The following DUSP22 variants were observed in gnomAD, a reference collection of about 807,000 sequenced individuals.
DUSP22 encodes dual specificity phosphatase 22, also known as dual specificity protein phosphatase 22.
In DUSP22, 24 loss-of-function variants were observed where a neutral mutation model predicts 24.5. The observed-to-expected ratio is 0.98, with a 90% CI of 0.71 to 1.38. The LOEUF (loss-of-function observed/expected upper bound fraction) is 1.38. Among genes scored for constraint, DUSP22 ranks in the 40% most tolerant of loss-of-function variants. The probability of loss-of-function intolerance (pLI) is 0.00; values close to 1 mark genes in which losing one functional copy is unlikely to be tolerated. For synonymous variants in DUSP22, 160 were observed against 106.4 expected (o/e 1.50, Z -3.10); for missense variants, 330 against 269.2 (o/e 1.23, Z -1.58).
At position 350,873 on chromosome 6, in the gene DUSP22, C is replaced by T; in HGVS notation, c.*1922C>T. On this transcript the variant is annotated 3_prime_UTR_variant, in exon 7 of 7. Coordinates refer to ENST00000419235, the MANE Select transcript of DUSP22 (RefSeq NM_001286555.3). ...GCCTTTCTCAGAAGACTGTAATGTA[C>T]CTGAAGTTTCTGAAATATTGCAAAC... 6.2e-7 allele frequency: 1 copy of T among 1,614,206 alleles called. No individual in the cohort carries two copies. The highest frequency in any genetic ancestry group is 8.5e-7 in the Non-Finnish European group (1 of 1,179,992).
At chr6:312,658 A>G (rs1233724217) in intron 3 of DUSP22, among the ~76,000 whole-genome samples, 10 of 152,288 alleles carry the variant, frequency 6.6e-5, no homozygotes, top group African/African-American at 2.2e-4. Context: ...TTTCTATTTT[A>G]GGGTGGGGTG....
chr6:315,708 C>T (rs967482893), intron 3 of DUSP22, among the ~76,000 whole-genome samples: 11 of 152,300 alleles, frequency 7.2e-5, no homozygotes, highest in African/African-American at 2.4e-4. Context: ...ATACCCTCTT[C>T]ACACATCCCG....
rs1397002751 is a variant in DUSP22, at chr6:350,990, C to T, written c.*2039C>T. ...TTGTAAACTTGTTTTTCATTTGAAG[C>T]TGAATATATACGTAGTCATGTTTAT... On this transcript the variant is annotated 3_prime_UTR_variant, in exon 7 of 7. Coordinates refer to ENST00000419235, the MANE Select transcript of DUSP22 (RefSeq NM_001286555.3). The T allele has an allele frequency of 3.7e-6, 5 of 1,359,618 alleles. No individual in the cohort carries two copies. The East Asian group carries it at 6.9e-5, about 19-fold the overall frequency. The allele number at this position is 1,359,618 out of a possible 1,614,324, so 84.2% of individuals were successfully genotyped here. A position where few individuals can be genotyped will look rare whatever the true frequency, so the allele number is the denominator to read the frequency against.
Position 318,844 on chromosome 6 carries a change from A to G in DUSP22, c.138+6882A>G, listed in dbSNP as rs372874665. On this transcript the variant is annotated intron_variant, in intron 3 of 6. Coordinates refer to ENST00000419235, the MANE Select transcript of DUSP22 (RefSeq NM_001286555.3). ...GGGAGTGGTCAGTGCTGGTTCATCC[A>G]TATTAAGGAATACTCGGCAGCAATT... 1.8e-4 allele frequency among the ~76,000 whole-genome samples: 28 copies of G among 152,414 alleles called. No homozygotes were observed. In the South Asian group the frequency reaches 5.0e-3, roughly 27 times the overall value.
rs564664182 is a variant in DUSP22 at position 306,143 on chromosome 6, A to G, written c.55+1482A>G. On this transcript the variant is annotated intron_variant, in intron 2 of 6. Transcript: ENST00000419235. ...GTGGTGAGTAGGCCAGGATACATTAATGTAGCAAACGTCAGAGTTATTTAG... is the reference window on the plus strand; with the variant it reads ...GTGGTGAGTAGGCCAGGATACATTAGTGTAGCAAACGTCAGAGTTATTTAG... Among the ~76,000 whole-genome samples the G allele has an allele frequency of 3.4e-4, 52 of 152,412 alleles. No individual in the cohort carries two copies. In the East Asian group the frequency reaches 9.6e-3, roughly 28 times the overall value.
intron 1 of DUSP22, among the ~76,000 whole-genome samples, chr6:299,188 T>C (rs564128618): frequency 5.1e-4 from 78 of 152,402 alleles, no homozygotes; most frequent in South Asian, 2.1e-4. Context: ...CAGGTGGTAA[T>C]GATTTCATTT....
rs1205018976 is a variant in DUSP22, at chr6:348,277, A to G, written c.435+3A>G. ...TTGAGAAGCATGAGGTCCATCAGGTAAGCAGTTCTTAGGGGACATCAGAGA... is the reference window on the plus strand; with the variant it reads ...TTGAGAAGCATGAGGTCCATCAGGTGAGCAGTTCTTAGGGGACATCAGAGA... On this transcript the variant is annotated splice_donor_region_variant and intron_variant, in intron 6 of 6. Transcript: ENST00000419235. The G allele has an allele frequency of 7.4e-6, 12 of 1,614,148 alleles. No homozygotes were observed. The highest frequency in any genetic ancestry group is 2.2e-5 in the East Asian group (1 of 44,906).
chr6:336,982 G>A (rs1318224135), intron 4 of DUSP22: 1 of 152,456 alleles, frequency 6.6e-6, no homozygotes, highest in African/African-American at 2.4e-5. Context: ...TGTTGAACTT[G>A]TCAGTACCTG....
At chr6:333,945 G>A (rs1045980347) in intron 3 of DUSP22, among the ~76,000 whole-genome samples, 1 of 152,304 alleles carries the variant, frequency 6.6e-6, no homozygotes, top group Admixed American at 6.5e-5. Flanking sequence ...CTATTAAAAT[G>A]TGTAGGAGGT....
chr6:344,571 T>C (rs1308719142), intron 4 of DUSP22, among the ~76,000 whole-genome samples: 1 of 152,304 alleles, frequency 6.6e-6, no homozygotes, highest in Non-Finnish European at 1.5e-5. Flanking sequence ...ATGATAGGTG[T>C]GTGCCACCGC....
intron 3 of DUSP22, among the ~76,000 whole-genome samples, chr6:334,014 A>G (rs889624294): frequency 6.6e-6 from 1 of 152,312 alleles, no homozygotes; most frequent in Non-Finnish European, 1.5e-5. Flanking sequence ...TACAGCACAG[A>G]AATTCCTAAC....
chr6:301,012 A>C (rs1561647289), intron 1 of DUSP22, among the ~76,000 whole-genome samples: 1 of 152,416 alleles, frequency 6.6e-6, no homozygotes, highest in South Asian at 2.1e-4. Flanking sequence ...CAAAGAGGAC[A>C]CTCTAGGCTA....
intron 4 of DUSP22, 99 bp downstream of exon 4, chr6:335,262 A>C: frequency 2.0e-5 from 29 of 1,482,180 alleles, no homozygotes; most frequent in East Asian, 2.3e-5. Context: ...GTCAGAGCTC[A>C]CGGGACCCTT....
At chr6:310,843 G>A (rs1214091985) in intron 2 of DUSP22, among the ~76,000 whole-genome samples, 1 of 152,304 alleles carries the variant, frequency 6.6e-6, no homozygotes, top group Admixed American at 6.5e-5. Context: ...TTACCTTCTT[G>A]ATGATGTAAT....
At chr6:303,362 T>C (rs1189030247) in intron 1 of DUSP22, among the ~76,000 whole-genome samples, 2 of 152,306 alleles carry the variant, frequency 1.3e-5, no homozygotes, top group Admixed American at 1.3e-4. Context: ...CCTTGGCTGG[T>C]TGTCCCTCTG....
chr6:348,677 C>G (rs1461384382), intron 6 of DUSP22, 92 bp from the exon 7 acceptor site: 1 of 1,566,548 alleles, frequency 6.4e-7, no homozygotes, highest in Non-Finnish European at 8.7e-7. Flanking sequence ...ATGTGTGGCA[C>G]CATCTCTGTG....
chr6:345,836 CT>C lies in DUSP22; in HGVS notation c.189-11del, dbSNP rs756089358. ...AGTAAAGTAGAGAGATGTCATTTCT[CT>C]TTTTTTCTTTTCCCAGGACAAGACA... On this transcript the variant is annotated splice_polypyrimidine_tract_variant and intron_variant, in intron 4 of 6. Transcript: ENST00000419235. 6.2e-7 allele frequency: 1 copy of C among 1,613,768 alleles called. No homozygotes were observed. The highest frequency in any genetic ancestry group is 8.5e-7 in the Non-Finnish European group (1 of 1,179,798).
At chr6:332,572 G>A (rs1477383681) in intron 3 of DUSP22, among the ~76,000 whole-genome samples, 2 of 152,222 alleles carry the variant, frequency 1.3e-5, no homozygotes, top group Non-Finnish European at 2.9e-5. Flanking sequence ...ATACTGTCCA[G>A]TCCCACGGCT....
In DUSP22 at chr6:348,882, C is replaced by T. The variant is rs370453089; in HGVS notation, c.549C>T (p.Gly183=). ...KEQGRTEPQP[G]ARRWSSFPAL... Reference sequence around the variant, plus strand: ...AAGGGCGCACAGAGCCCCAGCCCGGCGCCAGGCGGTGGAGCAGTTTTCCGG... The same window carrying T: ...AAGGGCGCACAGAGCCCCAGCCCGGTGCCAGGCGGTGGAGCAGTTTTCCGG... Residue 183 remains glycine, a synonymous_variant, in exon 7 of 7, where the codon GGC becomes GGT. Coordinates refer to ENST00000419235, the MANE Select transcript of DUSP22 (RefSeq NM_001286555.3). 7.5e-5 allele frequency: 121 copies of T among 1,614,142 alleles called. No homozygotes were observed. The highest frequency in any genetic ancestry group is 4.7e-4 in the African/African-American group (35 of 75,060).
Sources: allele counts gnomAD v4.1 joint callset (sites outside exome capture counted in the v4.1 genomes callset), GRCh38; gene constraint gnomAD v4.1.1; transcripts MANE v1.5; gene names NCBI Gene and HGNC (gene_info 2026-07-23, HGNC 2026-07-21).